MYO1H: variants seen among roughly 807,000 people sequenced by gnomAD.
The protein encoded by MYO1H is myosin IH.
MYO1H carries 118 observed loss-of-function variants against 149.3 expected under a neutral mutation model. The ratio of observed to expected loss-of-function variants is 0.79; its 90% CI spans 0.68 to 0.92. MYO1H has a LOEUF of 0.92. Among genes scored for constraint, MYO1H ranks in the 40% least tolerant of loss-of-function variants. The pLI is 0.00. For missense variants in MYO1H, 1,212 were observed against 1,280.7 expected, an observed-to-expected ratio of 0.95 and a Z score of 0.82; for synonymous variants, 447 against 465.2, an observed-to-expected ratio of 0.96 and a Z score of 0.50.
chr12:109,335,486 G>T, the MYO1H span, among the ~76,000 whole-genome samples: 19 of 152,162 alleles, frequency 1.2e-4, no homozygotes, highest in East Asian at 3.7e-3. Flanking sequence ...AAATTTGGGT[G>T]GGGACACCAG....
chr12:109,428,104 C>CAA (rs200941287), intron 19 of MYO1H, among the ~76,000 whole-genome samples: 2 of 137,948 alleles, frequency 1.4e-5, no homozygotes, highest in African/African-American at 2.6e-5. Flanking sequence ...AACAAAACAA[C>CAA]AAAAAAAAAA....
At chr12:109,351,277 T>C (rs1868455367) in intron 1 of MYO1H, among the ~76,000 whole-genome samples, 1 of 152,200 alleles carries the variant, frequency 6.6e-6, no homozygotes, top group Non-Finnish European at 1.5e-5. Flanking sequence ...TTTTATATTA[T>C]TACCGTAAAA....
intron 18 of MYO1H, among the ~76,000 whole-genome samples, chr12:109,427,114 G>A (rs2135580902): frequency 6.6e-6 from 1 of 152,084 alleles, no homozygotes; most frequent in South Asian, 2.1e-4. Context: ...TCAAGAGTTC[G>A]AGACCAGCCT....
At chr12:109,419,909 A>G (rs1427313042) in intron 15 of MYO1H, among the ~76,000 whole-genome samples, 1 of 151,982 alleles carries the variant, frequency 6.6e-6, no homozygotes, top group Non-Finnish European at 1.5e-5. Flanking sequence ...TGCCTTTATA[A>G]TGCCATTTAC....
chr12:109,412,357 C>T (rs1419057696), intron 14 of MYO1H, among the ~76,000 whole-genome samples: 2 of 152,148 alleles, frequency 1.3e-5, no homozygotes, highest in East Asian at 1.9e-4. Context: ...AGGGTTTCAC[C>T]CTGTTGCCCA....
At chr12:109,314,231 C>CT in the MYO1H span, among the ~76,000 whole-genome samples, 1 of 140,310 alleles carries the variant, frequency 7.1e-6, no homozygotes, top group Non-Finnish European at 1.5e-5. Flanking sequence ...TTTTTTTAAG[C>CT]TTTTTAAAAA....
At chr12:109,324,138 A>G in the MYO1H span, among the ~76,000 whole-genome samples, 1 of 152,148 alleles carries the variant, frequency 6.6e-6, no homozygotes, top group Non-Finnish European at 1.5e-5. Context: ...AGTCATACTA[A>G]GACTCACTCT....
chr12:109,345,548 G>A (rs7956905), upstream of MYO1H, among the ~76,000 whole-genome samples: 76,938 of 151,886 alleles, frequency 0.51, 20,267 homozygotes, highest in African/African-American at 0.63. Flanking sequence ...AAAACAGTTT[G>A]GCAGGTCCTT....
chr12:109,442,414 G>A (rs1872178233), intron 27 of MYO1H, 142 bp downstream of exon 27: 2 of 661,754 alleles, frequency 3.0e-6, no homozygotes, highest in Admixed American at 5.1e-5. Flanking sequence ...GATGCTTTGG[G>A]TATTAACTAA....
At chr12:109,374,798 G>A (rs1178968727) in intron 1 of MYO1H, among the ~76,000 whole-genome samples, 1 of 151,856 alleles carries the variant, frequency 6.6e-6, no homozygotes, top group African/African-American at 2.4e-5. Flanking sequence ...AGTTTGGTAA[G>A]TATAAAATTA....
At chr12:109,373,963 G>A (rs1869040659) in intron 1 of MYO1H, among the ~76,000 whole-genome samples, 1 of 152,082 alleles carries the variant, frequency 6.6e-6, no homozygotes, top group African/African-American at 2.4e-5. Context: ...CTCCAGCCTG[G>A]GCGACAGAGT....
In MYO1H at chr12:109,439,718, G is replaced by C. The variant is rs370592019; in HGVS notation, c.2382G>C (p.Leu794Phe). Residue 794 changes from leucine (L) to phenylalanine (F), a missense_variant, in exon 24 of 32, where the codon TTG becomes TTC. Physicochemically the swap from Leu to Phe is conservative, Grantham distance 22. Transcript: ENST00000310903. ...TGTTTGTGCGGAAGAATTACATCTTGAATCTCCGGTATCACCTTCCAAAGA... is the reference window on the plus strand; with the variant it reads ...TGTTTGTGCGGAAGAATTACATCTTCAATCTCCGGTATCACCTTCCAAAGA... 3.0e-5 allele frequency: 48 copies of C among 1,613,792 alleles called. No individual in the cohort carries two copies. In the Middle Eastern group the frequency reaches 4.9e-4, roughly 17 times the overall value.
intron 14 of MYO1H, 38 bp from the exon 15 acceptor site, chr12:109,415,488 A>T: frequency 6.4e-7 from 1 of 1,550,996 alleles, no homozygotes; most frequent in African/African-American, 1.4e-5. Flanking sequence ...AAAAGAAAAG[A>T]AAAGAAAGTT....
the MYO1H span, among the ~76,000 whole-genome samples, chr12:109,314,595 C>G: frequency 3.3e-5 from 5 of 152,262 alleles, no homozygotes; most frequent in African/African-American, 1.2e-4. Context: ...CTCCCCTAGT[C>G]CCCCTGGCTG....
At chr12:109,386,130 C>T (rs1410633679) in intron 1 of MYO1H, among the ~76,000 whole-genome samples, 2 of 152,166 alleles carry the variant, frequency 1.3e-5, no homozygotes, top group African/African-American at 4.8e-5. Context: ...TCTTTTGTGT[C>T]TGGGCTCTTT....
chr12:109,387,859 A>T (rs1268193300), intron 1 of MYO1H, among the ~76,000 whole-genome samples: 1 of 152,208 alleles, frequency 6.6e-6, no homozygotes, highest in African/African-American at 2.4e-5. Context: ...GAGCCCTGGA[A>T]GGTTGATTTC....
intron 1 of MYO1H, among the ~76,000 whole-genome samples, chr12:109,386,690 G>A (rs1473020965): frequency 1.3e-5 from 2 of 152,098 alleles, no homozygotes; most frequent in Non-Finnish European, 2.9e-5. Context: ...CATTGGGTTT[G>A]TCTTTTTATT....
At chr12:109,404,044 C>T in exon 7 of MYO1H, 1 of 1,613,638 alleles carries the variant, frequency 6.2e-7, no homozygotes, top group Non-Finnish European at 8.5e-7. Flanking sequence ...TTTCCAACGC[C>T]TTTTCTGTCA....
chr12:109,313,910 G>C, the MYO1H span, among the ~76,000 whole-genome samples: 1 of 151,978 alleles, frequency 6.6e-6, no homozygotes, highest in Non-Finnish European at 1.5e-5. Flanking sequence ...TTTAGACGGA[G>C]TTTCGCTCTT....
Sources: gnomAD v4.1 joint callset for allele counts (sites outside exome capture counted in the v4.1 genomes callset) on GRCh38, gnomAD v4.1.1 for gene constraint, MANE v1.5 for transcripts, NCBI Gene and HGNC (gene_info 2026-07-23, HGNC 2026-07-21) for gene names.